Variants in RGL1 observed in about 807,000 individuals in gnomAD.
RGL1 encodes the protein ral guanine nucleotide dissociation stimulator-like 1.
Under a neutral mutation model 95.2 loss-of-function variants are expected in RGL1, and 24 were observed. The ratio of observed to expected loss-of-function variants is 0.25; its 90% CI spans 0.18 to 0.35. The LOEUF (loss-of-function observed/expected upper bound fraction) is 0.35. Among genes scored for constraint, RGL1 ranks in the 10% least tolerant of loss-of-function variants. RGL1 has a pLI of 1.00. For missense variants in RGL1, 715 were observed against 936.3 expected (o/e 0.76, Z 3.08); for synonymous variants, 329 against 344.9 (o/e 0.95, Z 0.51).
chr1:183,838,590 C>T (rs1429209383), intron 2 of RGL1, among the ~76,000 whole-genome samples: 1 of 152,184 alleles, frequency 6.6e-6, no homozygotes, highest in Admixed American at 6.5e-5. Context: ...GCCCTTCTGC[C>T]TCTCCTGCCT....
At chr1:183,803,961 T>A (rs1661133324), upstream of RGL1, among the ~76,000 whole-genome samples, 1 of 152,218 alleles carries the variant, frequency 6.6e-6, no homozygotes. Context: ...CTCCTCTCTA[T>A]ACAGTGATGG....
intron 2 of RGL1, among the ~76,000 whole-genome samples, chr1:183,820,822 G>A (rs1412936476): frequency 1.3e-5 from 2 of 152,064 alleles, no homozygotes; most frequent in Admixed American, 6.6e-5. Flanking sequence ...AAAATGTATC[G>A]TTAAAATTAA....
intron 2 of RGL1, among the ~76,000 whole-genome samples, chr1:183,826,028 TCAATCG>T (rs1662825865): frequency 1.0e-5 from 1 of 98,808 alleles, no homozygotes. Context: ...AATCAATCAA[TCAATCG>T]CAACTCTCCC....
intron 3 of RGL1, among the ~76,000 whole-genome samples, chr1:183,848,090 C>T (rs1258617006): frequency 6.6e-6 from 1 of 152,106 alleles, no homozygotes; most frequent in Non-Finnish European, 1.5e-5. Context: ...TTATATTATT[C>T]AGTAAATAAT....
chr1:183,805,625 C>T (rs1661242820), intron 1 of RGL1, among the ~76,000 whole-genome samples: 1 of 152,202 alleles, frequency 6.6e-6, no homozygotes, highest in Non-Finnish European at 1.5e-5. Flanking sequence ...CTTCTGCGTC[C>T]CAGCGGCTCT....
In RGL1 at chr1:183,790,690, C is replaced by T. The variant is rs967529116; in HGVS notation, c.133-15685C>T. 2.0e-5 allele frequency among the ~76,000 whole-genome samples: 3 copies of T among 152,116 alleles called. No individual in the cohort carries two copies. In the East Asian group the frequency reaches 5.8e-4, roughly 29 times the overall value. ...GAGAAATTGCTTGGAACAATGTTAA[C>T]TATATTATCTAGTTAGCTATCAGGA... is the stretch of plus-strand genomic sequence containing the variant. On this transcript the variant is annotated intron_variant, in intron 2 of 18. Coordinates refer to the RGL1 transcript ENST00000304685.
upstream of RGL1, among the ~76,000 whole-genome samples, chr1:183,804,695 G>A (rs1661171976): frequency 6.6e-6 from 1 of 152,180 alleles, no homozygotes; most frequent in Non-Finnish European, 1.5e-5. Flanking sequence ...TGGAATACCC[G>A]GGTGTCCTCT....
intron 1 of RGL1, among the ~76,000 whole-genome samples, chr1:183,736,299 AT>A (rs1398796614): frequency 6.6e-6 from 1 of 152,196 alleles, no homozygotes; most frequent in Non-Finnish European, 1.5e-5. Context: ...TTCAATGCAC[AT>A]TAGTTTTGCT....
At chr1:183,905,334 G>C (rs1302260678) in intron 13 of RGL1, among the ~76,000 whole-genome samples, 1 of 152,174 alleles carries the variant, frequency 6.6e-6, no homozygotes, top group Non-Finnish European at 1.5e-5. Context: ...CTGTCACTGT[G>C]TTTGTCATTC....
intron 2 of RGL1, among the ~76,000 whole-genome samples, chr1:183,791,276 G>A (rs952254357): frequency 6.6e-5 from 10 of 152,050 alleles, no homozygotes; most frequent in Non-Finnish European, 1.0e-4. Context: ...TTAAAAAGAC[G>A]TTATCTAATT....
intron 1 of RGL1, among the ~76,000 whole-genome samples, chr1:183,716,129 C>T (rs569411425): frequency 1.3e-5 from 2 of 152,126 alleles, no homozygotes; most frequent in African/African-American, 2.4e-5. Context: ...ACCAACTATC[C>T]GGATACCACA....
At chr1:183,795,329 G>T (rs1660644207) in intron 2 of RGL1, among the ~76,000 whole-genome samples, 1 of 152,226 alleles carries the variant, frequency 6.6e-6, no homozygotes, top group Non-Finnish European at 1.5e-5. Context: ...GGAGAAACGG[G>T]AGAAACAGAC....
At chr1:183,735,176 A>T (rs1656865203) in intron 1 of RGL1, among the ~76,000 whole-genome samples, 1 of 152,218 alleles carries the variant, frequency 6.6e-6, no homozygotes, top group South Asian at 2.1e-4. Flanking sequence ...CAACTGGAAT[A>T]AAGCAAGAAT....
intron 1 of RGL1, among the ~76,000 whole-genome samples, chr1:183,674,494 C>T (rs1652689491): frequency 1.3e-5 from 2 of 152,062 alleles, no homozygotes; most frequent in Non-Finnish European, 2.9e-5. Flanking sequence ...TACTCTGAGA[C>T]CTTGGAAGGA....
At chr1:183,838,741 A>G (rs879634162) in intron 2 of RGL1, among the ~76,000 whole-genome samples, 8 of 152,240 alleles carry the variant, frequency 5.3e-5, no homozygotes, top group Admixed American at 2.0e-4. Flanking sequence ...GTCTCTTGAC[A>G]CTGACACAAT....
At chr1:183,743,359 G>C (rs1437993745) in intron 2 of RGL1, among the ~76,000 whole-genome samples, 1 of 152,150 alleles carries the variant, frequency 6.6e-6, no homozygotes, top group Non-Finnish European at 1.5e-5. Context: ...ATCTCAGAGA[G>C]AGGTAGCAAA....
intron 4 of RGL1, among the ~76,000 whole-genome samples, chr1:183,874,854 A>G (rs1256624661): frequency 6.6e-6 from 1 of 152,192 alleles, no homozygotes; most frequent in East Asian, 1.9e-4. Flanking sequence ...CTATCTGGCA[A>G]CCTTCCCTGA....
At chr1:183,746,650 A>G (rs1283818574) in intron 2 of RGL1, among the ~76,000 whole-genome samples, 1 of 146,026 alleles carries the variant, frequency 6.8e-6, no homozygotes, top group Non-Finnish European at 1.5e-5. Flanking sequence ...GTTTTCTTAT[A>G]TATTTTTTTA....
rs1343077318 is a variant in RGL1 at position 183,752,276 on chromosome 1, G to T, written c.132+9987G>T. 9.9e-5 allele frequency among the ~76,000 whole-genome samples: 15 copies of T among 151,774 alleles called. 1 individual carries two copies. The highest frequency in any genetic ancestry group is 4.6e-4 in the Admixed American group (7 of 15,254). On this transcript the variant is annotated intron_variant, in intron 2 of 18. Transcript: ENST00000304685. Reference sequence around the variant, plus strand: ...GGAGTCTCACTCTGTCACCAGGCTGGAGTGCAGTGGCACAATTTGGGCTCA... The same window carrying T: ...GGAGTCTCACTCTGTCACCAGGCTGTAGTGCAGTGGCACAATTTGGGCTCA...
Sources: gnomAD v4.1 joint callset for allele counts (sites outside exome capture counted in the v4.1 genomes callset) on GRCh38, gnomAD v4.1.1 for gene constraint, MANE v1.5 for transcripts, NCBI Gene and HGNC (gene_info 2026-07-23, HGNC 2026-07-21) for gene names.